Variants in LRRIQ1 observed in about 807,000 individuals in gnomAD.
The protein encoded by LRRIQ1 is leucine rich repeats and IQ motif containing 1.
In LRRIQ1, 210 loss-of-function variants were observed where a neutral mutation model predicts 211.9. That is an observed-to-expected ratio of 0.99 (90% CI 0.89 to 1.11). The LOEUF (loss-of-function observed/expected upper bound fraction) is 1.11. LRRIQ1 is among the 50% of genes most tolerant of loss of function. The pLI, the probability that LRRIQ1 is intolerant of heterozygous loss-of-function variation, is 0.00. For synonymous variants in LRRIQ1, 699 were observed against 650.1 expected, an observed-to-expected ratio of 1.08 and a Z score of -1.14; for missense variants, 2,136 against 1,939.5, an observed-to-expected ratio of 1.10 and a Z score of -1.90.
At chr12:85,199,209 T>G (rs1319424243) in intron 24 of LRRIQ1, among the ~76,000 whole-genome samples, 1 of 152,044 alleles carries the variant, frequency 6.6e-6, no homozygotes, top group African/African-American at 2.4e-5. Context: ...CCAGATGGTG[T>G]TTTCTAGGTT....
intron 24 of LRRIQ1, among the ~76,000 whole-genome samples, chr12:85,187,176 C>T (rs1458377793): frequency 2.0e-5 from 3 of 152,096 alleles, no homozygotes; most frequent in East Asian, 1.9e-4. Flanking sequence ...AATTTTTGTA[C>T]TCACAGCATG....
intron 15 of LRRIQ1, among the ~76,000 whole-genome samples, chr12:85,111,943 T>TACACACAC (rs202178126): frequency 3.7e-5 from 5 of 135,292 alleles, no homozygotes; most frequent in Non-Finnish European, 6.4e-5. Context: ...TTTATATATA[T>TACACACAC]ATACACACAC....
Position 85,124,509 on chromosome 12 carries a change from A to G in LRRIQ1, c.3997A>G (p.Ser1333Gly). The stretch of plus-strand genomic sequence containing the variant: ...GAGGAATCACCAAAATATTGAGCCT[A>G]GTGAAAAAATGTAAGATATATAAAT... The part of the protein sequence containing the change: ...LLRNHQNIEP[S>G]EKIMAAVVIQ... Residue 1333 changes from serine to glycine, a missense_variant, in exon 17 of 27, where the codon AGT becomes GGT. By Grantham distance (56) the Ser-to-Gly change is moderately conservative. Coordinates refer to ENST00000393217, the MANE Select transcript of LRRIQ1 (RefSeq NM_001079910.2). The G allele has an allele frequency of 6.2e-7, 1 of 1,609,426 alleles. No individual in the cohort carries two copies. The highest frequency in any genetic ancestry group is 8.5e-7 in the Non-Finnish European group (1 of 1,178,084).
intron 24 of LRRIQ1, among the ~76,000 whole-genome samples, chr12:85,197,572 G>A (rs1420623902): frequency 5.3e-5 from 8 of 150,832 alleles, no homozygotes; most frequent in Admixed American, 2.0e-4. Context: ...GTAAACTATC[G>A]CAAGAACAAA....
intron 24 of LRRIQ1, among the ~76,000 whole-genome samples, chr12:85,165,283 G>C (rs1021081260): frequency 3.6e-4 from 55 of 151,676 alleles, no homozygotes; most frequent in African/African-American, 1.3e-3. Flanking sequence ...TCAGCCCCTG[G>C]TTTCCTCCCT....
intron 11 of LRRIQ1, 143 bp from the exon 12 acceptor site, chr12:85,098,212 C>T (rs1485118530): frequency 1.3e-5 from 7 of 557,124 alleles, no homozygotes; most frequent in Admixed American, 3.7e-5. Flanking sequence ...TATGTTTCAC[C>T]AGGAATTTGG....
At position 85,077,308 on chromosome 12, in the gene LRRIQ1, C is replaced by T. The variant is rs181355649; in HGVS notation, c.2887+4210C>T. On this transcript the variant is annotated intron_variant, in intron 11 of 26. Transcript: ENST00000393217. ...GGCCAAAAGTTAATTTTGCCATGGG[C>T]ATGAGCCCTTTGAAGAGTAAACACA... 4.7e-3 allele frequency among the ~76,000 whole-genome samples: 714 copies of T among 152,276 alleles called. 21 individuals are homozygous for T. The highest frequency in any genetic ancestry group is 0.041 in the Admixed American group (633 of 15,278).
chr12:85,165,632 C>G (rs1426283623), intron 24 of LRRIQ1, among the ~76,000 whole-genome samples: 6 of 151,966 alleles, frequency 3.9e-5, no homozygotes, highest in Admixed American at 1.3e-4. Flanking sequence ...GCCACCACGC[C>G]CAGCTAATTT....
chr12:85,249,191 T>A (rs999086724), downstream of LRRIQ1, among the ~76,000 whole-genome samples: 1 of 151,808 alleles, frequency 6.6e-6, no homozygotes, highest in African/African-American at 2.4e-5. Flanking sequence ...TCATGCCTAA[T>A]ATTGTTTACA....
chr12:85,225,454 T>C (rs1468151855), intron 24 of LRRIQ1, among the ~76,000 whole-genome samples: 1 of 152,188 alleles, frequency 6.6e-6, no homozygotes, highest in Non-Finnish European at 1.5e-5. Context: ...TTGCAGATTG[T>C]CTTTTCTTTG....
At position 85,191,021 on chromosome 12, in the gene LRRIQ1, T is replaced by G. The variant is rs142967123; in HGVS notation, c.4822+30307T>G. On this transcript the variant is annotated intron_variant, in intron 24 of 26. Transcript: ENST00000393217. ...AAGTGCTGAAGTAAAAAACCATTTTTTAAATAGACTCTATATTTTAGTATA... is the reference window on the plus strand; with the variant it reads ...AAGTGCTGAAGTAAAAAACCATTTTGTAAATAGACTCTATATTTTAGTATA... Among the ~76,000 whole-genome samples the G allele has an allele frequency of 2.3e-3, 356 of 152,094 alleles. 2 individuals are homozygous for G. Among genetic ancestry groups the G allele is most frequent in the African/African-American group, 7.9e-3 (329 of 41,552 alleles).
intron 15 of LRRIQ1, among the ~76,000 whole-genome samples, chr12:85,118,578 A>G (rs1194154091): frequency 2.0e-5 from 3 of 148,566 alleles, no homozygotes; most frequent in African/African-American, 7.5e-5. Context: ...TACTATTACT[A>G]CCAAGACTAC....
chr12:85,259,046 A>G (rs1295423539), intron 1 of LRRIQ1, among the ~76,000 whole-genome samples: 1 of 152,050 alleles, frequency 6.6e-6, no homozygotes, highest in African/African-American at 2.4e-5. Context: ...AGCAGAACAC[A>G]GATTATGTAG....
intron 1 of LRRIQ1, among the ~76,000 whole-genome samples, chr12:85,259,980 A>G (rs940106046): frequency 3.9e-5 from 6 of 152,064 alleles, no homozygotes; most frequent in African/African-American, 1.4e-4. Flanking sequence ...GTTAAGAATA[A>G]AAGTTTGATC....
intron 19 of LRRIQ1, among the ~76,000 whole-genome samples, chr12:85,147,072 T>TATC (rs1236435008): frequency 1.3e-5 from 2 of 151,976 alleles, no homozygotes; most frequent in East Asian, 3.9e-4. Flanking sequence ...AGGCGCAGAC[T>TATC]ATCAGTTCAT....
In LRRIQ1 at chr12:85,104,061, C is replaced by A; in HGVS notation, c.3267C>A (p.Ser1089Arg). ...HFVSLEKLDV[S>R]HNCLSDLKSA... ...TTTCATTGGAAAAGCTAGATGTCAG[C>A]CACAATTGTCTTTCTGGTAAGTTTA... The change falls in exon 14 of 27, where the codon AGC becomes AGA. Residue 1089 changes from serine to arginine, a missense_variant. Ser to Arg is a moderately radical substitution (Grantham distance 110). Coordinates refer to ENST00000393217, the MANE Select transcript of LRRIQ1 (RefSeq NM_001079910.2). 6.5e-7 allele frequency: 1 copy of A among 1,548,096 alleles called. No individual in the cohort carries two copies. The highest frequency in any genetic ancestry group is 8.7e-7 in the Non-Finnish European group (1 of 1,144,312).
Position 85,098,450 on chromosome 12 carries a change from TACCTAG to T in LRRIQ1, c.2985_2990del (p.Leu996_Asp997del). ...TCTTTGTGATACACCTACCATTGTATACCTAGATTGCTCCCATAATCATCTTACTGA... is the reference window on the plus strand; with the variant it reads ...TCTTTGTGATACACCTACCATTGTATATTGCTCCCATAATCATCTTACTGA... On this transcript the variant is annotated inframe_deletion, in exon 12 of 27. Transcript: ENST00000393217. 6.2e-7 allele frequency: 1 copy of T among 1,611,418 alleles called. No individual in the cohort carries two copies. Among genetic ancestry groups the T allele is most frequent in the Non-Finnish European group, 8.5e-7 (1 of 1,178,386 alleles).
At chr12:85,165,914 G>A (rs1444424392) in intron 24 of LRRIQ1, among the ~76,000 whole-genome samples, 1 of 152,132 alleles carries the variant, frequency 6.6e-6, no homozygotes, top group Admixed American at 6.5e-5. Flanking sequence ...ACGAGTGCAT[G>A]TCTTTTTGGT....
chr12:85,066,983 C>T (rs1882507020), intron 10 of LRRIQ1, 85 bp downstream of exon 10: 3 of 669,410 alleles, frequency 4.5e-6, no homozygotes, highest in Admixed American at 7.8e-5. Context: ...GAGTAGGCCA[C>T]CATCACAAAT....
Sources: gnomAD v4.1 joint callset for allele counts (sites outside exome capture counted in the v4.1 genomes callset) on GRCh38, gnomAD v4.1.1 for gene constraint, MANE v1.5 for transcripts, NCBI Gene and HGNC (gene_info 2026-07-23, HGNC 2026-07-21) for gene names.